TMPRSS15: variants seen among roughly 807,000 people sequenced by gnomAD.
The protein encoded by TMPRSS15 is transmembrane serine protease 15.
Under a neutral mutation model 125.3 loss-of-function variants are expected in TMPRSS15, and 128 were observed. The observed-to-expected ratio is 1.02, with a 90% CI of 0.89 to 1.18. The LOEUF is 1.18. TMPRSS15 is among the 50% of genes most tolerant of loss of function. The pLI, the probability that TMPRSS15 is intolerant of heterozygous loss-of-function variation, is 0.00. For synonymous variants in TMPRSS15, 446 were observed against 423.2 expected (o/e 1.05, Z -0.66); for missense variants, 1,283 against 1,212.7 (o/e 1.06, Z -0.86).
At chr21:18,368,825 GGA>G (rs1277153733) in intron 6 of TMPRSS15, among the ~76,000 whole-genome samples, 1 of 152,112 alleles carries the variant, frequency 6.6e-6, no homozygotes, top group Non-Finnish European at 1.5e-5. Flanking sequence ...TAAAATTACA[GGA>G]GTATTGAAGT....
chr21:18,402,400 G>A (rs1164695049), intron 1 of TMPRSS15, among the ~76,000 whole-genome samples: 1 of 151,728 alleles, frequency 6.6e-6, no homozygotes, highest in Non-Finnish European at 1.5e-5. Context: ...GTGATGGCGC[G>A]CACCTGTAGT....
intron 19 of TMPRSS15, among the ~76,000 whole-genome samples, chr21:18,295,444 C>T (rs1029121827): frequency 3.9e-5 from 6 of 152,192 alleles, no homozygotes; most frequent in Non-Finnish European, 8.8e-5. Context: ...TTAAAACACA[C>T]ACATTATACA....
intron 21 of TMPRSS15, among the ~76,000 whole-genome samples, chr21:18,283,962 C>T (rs1029429559): frequency 3.3e-5 from 5 of 152,086 alleles, no homozygotes; most frequent in Non-Finnish European, 7.4e-5. Context: ...GAACCAGGAA[C>T]GTGCAGATTA....
intron 1 of TMPRSS15, among the ~76,000 whole-genome samples, chr21:18,474,286 C>A (rs923571485): frequency 2.0e-5 from 3 of 150,848 alleles, no homozygotes; most frequent in Admixed American, 6.6e-5. Context: ...AAAAGATATA[C>A]ATTTTGCTAT....
chr21:18,341,610 C>A, intron 12 of TMPRSS15, 62 bp from the exon 13 acceptor site: 3 of 1,568,060 alleles, frequency 1.9e-6, no homozygotes, highest in Non-Finnish European at 2.6e-6. Context: ...TGACTTGATT[C>A]TTCTTGTGAG....
rs2075149789 is a variant in TMPRSS15, at chr21:18,315,217, T to C, written c.1961A>G (p.Glu654Gly). ...ACAGAGATTCACCAGTGGAACACACTCTCCATTTTTACATTGAAAATGGTC... is the reference window on the plus strand; with the variant it reads ...ACAGAGATTCACCAGTGGAACACACCCTCCATTTTTACATTGAAAATGGTC... ...KADHFQCKNGECVPLVNLCDG... is the reference protein window; with the variant it reads ...KADHFQCKNGGCVPLVNLCDG... The change falls in exon 17 of 25, where the codon GAG becomes GGG. Residue 654 changes from glutamate to glycine, a missense_variant. Physicochemically the swap from Glu to Gly is moderately conservative, Grantham distance 98 (BLOSUM62 -2). Coordinates refer to ENST00000284885, the MANE Select transcript of TMPRSS15 (RefSeq NM_002772.3). The C allele has an allele frequency of 1.2e-6, 2 of 1,613,748 alleles. No homozygotes were observed. Among genetic ancestry groups the C allele is most frequent in the Admixed American group, 3.3e-5 (2 of 60,000 alleles).
intron 5 of TMPRSS15, among the ~76,000 whole-genome samples, chr21:18,378,559 C>T (rs1454442226): frequency 1.3e-5 from 2 of 152,162 alleles, no homozygotes; most frequent in Admixed American, 1.3e-4. Flanking sequence ...TGTTTTCCCT[C>T]TATGTACATA....
At chr21:18,436,056 A>C (rs1478974854) in intron 1 of TMPRSS15, among the ~76,000 whole-genome samples, 1 of 150,170 alleles carries the variant, frequency 6.7e-6, no homozygotes, top group East Asian at 2.0e-4. Flanking sequence ...CGGTCTATCA[A>C]TTTTGTTGAT....
intron 1 of TMPRSS15, among the ~76,000 whole-genome samples, chr21:18,442,423 AT>A (rs1244127854): frequency 6.6e-6 from 1 of 152,026 alleles, no homozygotes; most frequent in Non-Finnish European, 1.5e-5. Context: ...CCTTACATAT[AT>A]TTTTCATTCA....
chr21:18,454,410 A>G (rs1260596313), intron 1 of TMPRSS15, among the ~76,000 whole-genome samples: 1 of 152,174 alleles, frequency 6.6e-6, no homozygotes, highest in Non-Finnish European at 1.5e-5. Context: ...CAGAACCAAT[A>G]GGATATATAT....
chr21:18,280,481 C>T (rs1206961364), intron 22 of TMPRSS15, among the ~76,000 whole-genome samples: 1 of 147,760 alleles, frequency 6.8e-6, no homozygotes, highest in Non-Finnish European at 1.5e-5. Flanking sequence ...GAGGCTGAGA[C>T]AGGAGAATTG....
chr21:18,345,524 G>A (rs913979245), intron 10 of TMPRSS15, among the ~76,000 whole-genome samples: 1 of 150,792 alleles, frequency 6.6e-6, no homozygotes, highest in African/African-American at 2.4e-5. Flanking sequence ...GGCGGATCAC[G>A]AGGTCAGGAG....
At chr21:18,422,975 G>A (rs916948904) in intron 1 of TMPRSS15, among the ~76,000 whole-genome samples, 1 of 152,134 alleles carries the variant, frequency 6.6e-6, no homozygotes, top group Admixed American at 6.5e-5. Flanking sequence ...TTTGCATGGG[G>A]CTCAGCTAGC....
At chr21:18,394,325 T>A (rs1022705377) in intron 3 of TMPRSS15, among the ~76,000 whole-genome samples, 2 of 152,152 alleles carry the variant, frequency 1.3e-5, no homozygotes, top group African/African-American at 4.8e-5. Flanking sequence ...ATAAGGAAAA[T>A]TCTGCTTTCT....
At chr21:18,287,884 C>T (rs1297856250) in intron 21 of TMPRSS15, among the ~76,000 whole-genome samples, 2 of 152,056 alleles carry the variant, frequency 1.3e-5, no homozygotes, top group African/African-American at 4.8e-5. Context: ...TAACCAAAGT[C>T]AATATTACTA....
At position 18,379,337 on chromosome 21, in the gene TMPRSS15, TA is replaced by T; in HGVS notation, c.497-20del. 1 of 1,197,638 alleles carries T rather than the reference TA, an allele frequency of 8.3e-7. No homozygotes were observed. Among genetic ancestry groups the T allele is most frequent in the Non-Finnish European group, 1.1e-6 (1 of 896,670 alleles). The allele number at this position is 1,197,638 out of a possible 1,614,324, so 74.2% of individuals were successfully genotyped here. A position where few individuals can be genotyped will look rare whatever the true frequency, so the allele number is the denominator to read the frequency against. On this transcript the variant is annotated intron_variant, in intron 4 of 24. Coordinates refer to ENST00000284885, the MANE Select transcript of TMPRSS15 (RefSeq NM_002772.3). ...AGCTTGTCTGAAAAATAAATTATAT[TA>T]AAATAATTATTACCTATTTTAAACT...
Position 18,383,690 on chromosome 21 carries a change from C to G in TMPRSS15, c.433G>C (p.Glu145Gln). Residue 145 changes from glutamate to glutamine, a missense_variant, in exon 4 of 25, where the codon GAA (glutamate) becomes CAA (glutamine). Glu to Gln is a conservative substitution (Grantham distance 29). Coordinates refer to ENST00000284885, the MANE Select transcript of TMPRSS15 (RefSeq NM_002772.3). ...ACCAGTTGGCTGGATTTATTTGCTT[C>G]AAGGCCTTGAATCAGTTCTTCTTTT... ...NVKEELIQGL[E>Q]ANKSSQLVTF... 4 of 1,613,986 alleles carry G rather than the reference C, an allele frequency of 2.5e-6. No homozygotes were observed. The highest frequency in any genetic ancestry group is 3.4e-6 in the Non-Finnish European group (4 of 1,179,950).
intron 10 of TMPRSS15, among the ~76,000 whole-genome samples, 163 bp from the exon 11 acceptor site, chr21:18,344,223 T>G (rs1482637716): frequency 6.6e-6 from 1 of 152,170 alleles, no homozygotes; most frequent in African/African-American, 2.4e-5. Context: ...GAAAGCAGTA[T>G]TTTTGCCATA....
At chr21:18,404,814 C>G (rs778264625), upstream of TMPRSS15, among the ~76,000 whole-genome samples, 6 of 151,772 alleles carry the variant, frequency 4.0e-5, no homozygotes, top group Non-Finnish European at 8.8e-5. Context: ...TTGCCTGTTG[C>G]CCCCAAACTC....
Sources: allele counts gnomAD v4.1 joint callset (sites outside exome capture counted in the v4.1 genomes callset), GRCh38; gene constraint gnomAD v4.1.1; transcripts MANE v1.5; gene names NCBI Gene and HGNC (gene_info 2026-07-23, HGNC 2026-07-21).